The following DNAJC10 variants were observed in gnomAD, a reference collection of about 807,000 sequenced individuals.
The protein encoded by DNAJC10 is endoplasmic reticulum disulfide reductase DNAJC10.
DNAJC10 carries 101 observed loss-of-function variants against 115.0 expected under a neutral mutation model. The ratio of observed to expected loss-of-function variants is 0.88; its 90% CI spans 0.75 to 1.04. The LOEUF is 1.04. Among genes scored for constraint, DNAJC10 ranks in the 50% least tolerant of loss-of-function variants. The probability of loss-of-function intolerance (pLI) is 0.00; values close to 1 mark genes in which losing one functional copy is unlikely to be tolerated. For missense variants in DNAJC10, 981 were observed against 928.8 expected, an observed-to-expected ratio of 1.06 and a Z score of -0.73; for synonymous variants, 307 against 301.5, an observed-to-expected ratio of 1.02 and a Z score of -0.19.
rs762998367 is a variant in DNAJC10, at chr2:182,793,865, C to CACACACACACACACACA, written c.*16733_*16734insACACACACACACACACA. The stretch of plus-strand genomic sequence containing the variant: ...ACACACACACACACACACACACACA[C>CACACACACACACACACA]TACCTACAAAAAAATAACAATTAGA... On this transcript the variant is annotated 3_prime_UTR_variant, in exon 24 of 24. Transcript: ENST00000264065. 1 of 143,808 alleles carries CACACACACACACACACA rather than the reference C, an allele frequency of 7.0e-6. No homozygotes were observed. The highest frequency in any genetic ancestry group is 2.5e-5 in the African/African-American group (1 of 39,332). The allele number at this position is 143,808 out of a possible 1,614,324, so 8.9% of individuals were successfully genotyped here.
chr2:182,724,580 T>C (rs1693233416), intron 5 of DNAJC10, among the ~76,000 whole-genome samples: 1 of 152,168 alleles, frequency 6.6e-6, no homozygotes, highest in Admixed American at 6.6e-5. Context: ...GACTCAGTGT[T>C]CACCTACATT....
At chr2:182,739,287 A>C (rs1574931613) in intron 11 of DNAJC10, among the ~76,000 whole-genome samples, 1 of 148,768 alleles carries the variant, frequency 6.7e-6, no homozygotes, top group East Asian at 1.9e-4. Flanking sequence ...AAAGAATCTT[A>C]GGGAAAAAAC....
chr2:182,722,792 T>G (rs1249916903), intron 5 of DNAJC10, among the ~76,000 whole-genome samples: 2 of 151,996 alleles, frequency 1.3e-5, no homozygotes, highest in South Asian at 4.2e-4. Context: ...ATACAAAAAT[T>G]AGGTGTGCCT....
In DNAJC10 at chr2:182,789,973, C is replaced by G. The variant is rs983792807; in HGVS notation, c.*12841C>G. ...TGGGAAGTTGGTTATTTTACATTCT[C>G]ATACCATGCTTTGTATTACTTTCCC... On this transcript the variant is annotated 3_prime_UTR_variant, in exon 24 of 24. Transcript: ENST00000264065. 2 of 152,194 alleles carry G rather than the reference C, an allele frequency of 1.3e-5. No homozygotes were observed. The highest frequency in any genetic ancestry group is 2.9e-5 in the Non-Finnish European group (2 of 68,034). 9.4% of individuals were successfully genotyped at this position (152,194 alleles called of 1,614,324 possible).
chr2:182,750,146 AAG>A (rs150225185), intron 14 of DNAJC10, among the ~76,000 whole-genome samples: 9 of 150,658 alleles, frequency 6.0e-5, no homozygotes, highest in Non-Finnish European at 1.0e-4. Context: ...GTGGGAGGTC[AAG>A]AGAGAGAGAG....
intron 14 of DNAJC10, among the ~76,000 whole-genome samples, chr2:182,749,943 T>G (rs11678585): frequency 0.46 from 70,375 of 151,958 alleles, 18,834 homozygotes; most frequent in Middle Eastern, 0.64. Flanking sequence ...CCAAGCTTAC[T>G]TTTGTGATTG....
intron 10 of DNAJC10, 87 bp from the exon 11 acceptor site, chr2:182,736,162 T>A (rs1246347529): frequency 3.8e-6 from 5 of 1,323,692 alleles, no homozygotes; most frequent in Non-Finnish European, 5.1e-6. Flanking sequence ...GGTAGAAAAA[T>A]TGTGTTTTTA....
In DNAJC10 at chr2:182,759,291, T is replaced by C. The variant is rs758921394; in HGVS notation, c.2129T>C (p.Phe710Ser). ...CCTTGCCAGAATTTTGCTCCAGAAT[T>C]TGAGCTCTTGGCTAGGGTAAGTCAT... ...CGPCQNFAPEFELLARMIKGK... is the reference protein window; with the variant it reads ...CGPCQNFAPESELLARMIKGK... Residue 710 changes from phenylalanine to serine, a missense_variant, in exon 21 of 24, where the codon TTT becomes TCT. Coordinates refer to ENST00000264065, the MANE Select transcript of DNAJC10 (RefSeq NM_018981.4). 10 of 1,610,106 alleles carry C rather than the reference T, an allele frequency of 6.2e-6. No individual in the cohort carries two copies. The highest frequency in any genetic ancestry group is 1.7e-5 in the Admixed American group (1 of 58,842).
chr2:182,733,818 TAGATAGATA>T (rs1693514426), intron 10 of DNAJC10, among the ~76,000 whole-genome samples: 5 of 151,258 alleles, frequency 3.3e-5, no homozygotes, highest in Non-Finnish European at 7.4e-5. Flanking sequence ...GATAGATAGA[TAGATAGATA>T]GATTTTCTAC....
Position 182,791,533 on chromosome 2 carries a change from T to G in DNAJC10, c.*14401T>G, listed in dbSNP as rs1170416553. On this transcript the variant is annotated 3_prime_UTR_variant, in exon 24 of 24. Transcript: ENST00000264065. The stretch of plus-strand genomic sequence containing the variant: ...AGCTCTGTCCATAATGATTATATAG[T>G]TGTTAGCAAAATATTGGTCAAAACT... 1 of 152,206 alleles carries G rather than the reference T, an allele frequency of 6.6e-6. No homozygotes were observed. The highest frequency in any genetic ancestry group is 1.5e-5 in the Non-Finnish European group (1 of 68,024). The allele number at this position is 152,206 out of a possible 1,614,324, so 9.4% of individuals were successfully genotyped here. A position where few individuals can be genotyped will look rare whatever the true frequency, so the allele number is the denominator to read the frequency against.
intron 23 of DNAJC10, 89 bp downstream of exon 23, chr2:182,775,509 C>A: frequency 1.5e-6 from 1 of 677,470 alleles, no homozygotes. Context: ...CATCCAGAGA[C>A]AACAAAATGA....
intron 12 of DNAJC10, among the ~76,000 whole-genome samples, chr2:182,740,998 T>C (rs1693720225): frequency 6.6e-6 from 1 of 152,152 alleles, no homozygotes; most frequent in Non-Finnish European, 1.5e-5. Flanking sequence ...CATGTATTTG[T>C]TTTTGGCAGT....
At chr2:182,774,177 T>C (rs941433152) in intron 22 of DNAJC10, among the ~76,000 whole-genome samples, 4 of 152,144 alleles carry the variant, frequency 2.6e-5, no homozygotes, top group African/African-American at 7.2e-5. Flanking sequence ...ACAGCAAATA[T>C]TGCAGAACAG....
chr2:182,774,905 C>G (rs1694664726), intron 22 of DNAJC10, among the ~76,000 whole-genome samples: 1 of 152,218 alleles, frequency 6.6e-6, no homozygotes, highest in African/African-American at 2.4e-5. Flanking sequence ...AACCAGATAC[C>G]TCAGTTGGAA....
rs1191600515 is a variant in DNAJC10, at chr2:182,778,461, C to CCAAT, written c.*1332_*1335dup. On this transcript the variant is annotated 3_prime_UTR_variant, in exon 24 of 24. Coordinates refer to ENST00000264065, the MANE Select transcript of DNAJC10 (RefSeq NM_018981.4). The stretch of plus-strand genomic sequence containing the variant: ...CAGAGTGTACAGAATGGTAAAAATT[C>CCAAT]CAATCAGTCAAAAGAGGTCAATGAA... 6.6e-5 allele frequency: 10 copies of CCAAT among 152,152 alleles called. No individual in the cohort carries two copies. The highest frequency in any genetic ancestry group is 1.9e-4 in the East Asian group (1 of 5,170). The allele number at this position is 152,152 out of a possible 1,614,324, so 9.4% of individuals were successfully genotyped here.
rs777132079 is a variant in DNAJC10 at position 182,718,228 on chromosome 2, A to T, written c.142A>T (p.Ser48Cys). The T allele has an allele frequency of 1.9e-6, 3 of 1,613,178 alleles. No homozygotes were observed. Among genetic ancestry groups the T allele is most frequent in the East Asian group, 4.5e-5 (2 of 44,784 alleles). ...ACTTGGAGTGTCCAAAACTGCAAGC[A>T]GTAGAGAAATAAGACAAGCTTTCAA... ...SLLGVSKTAS[S>C]REIRQAFKKL... The change falls in exon 3 of 24, where the codon AGT becomes TGT. Residue 48 changes from serine (S) to cysteine (C), a missense_variant. Physicochemically the swap from Ser to Cys is moderately radical, Grantham distance 112. Transcript: ENST00000264065.
At chr2:182,736,538 G>C (rs951491537) in intron 11 of DNAJC10, 152 bp downstream of exon 11, 14 of 460,528 alleles carry the variant, frequency 3.0e-5, no homozygotes, top group Non-Finnish European at 4.9e-5. Context: ...TAATTTCTGA[G>C]ATTCTTTTTA....
At chr2:182,774,723 G>A (rs748285412) in intron 22 of DNAJC10, among the ~76,000 whole-genome samples, 12 of 152,218 alleles carry the variant, frequency 7.9e-5, no homozygotes, top group Non-Finnish European at 1.5e-4. Flanking sequence ...GTATTTGGGC[G>A]AGAGTGTCCC....
Position 182,750,909 on chromosome 2 carries a change from T to C in DNAJC10, c.1307-749T>C, listed in dbSNP as rs79572788. 5.5e-4 allele frequency among the ~76,000 whole-genome samples: 84 copies of C among 152,312 alleles called. No individual in the cohort carries two copies. In the East Asian group the frequency reaches 0.016, roughly 29 times the overall value. On this transcript the variant is annotated intron_variant, in intron 14 of 23. Coordinates refer to ENST00000264065, the MANE Select transcript of DNAJC10 (RefSeq NM_018981.4). ...TGCCTGAAATGTCATTATGCAGGAC[T>C]GTATTGTGTTTGACGTGTTTACGTG...
Sources: gnomAD v4.1 joint callset for allele counts (sites outside exome capture counted in the v4.1 genomes callset) on GRCh38, gnomAD v4.1.1 for gene constraint, MANE v1.5 for transcripts, NCBI Gene and HGNC (gene_info 2026-07-23, HGNC 2026-07-21) for gene names.